The following MAGI2 variants were observed in gnomAD, a reference collection of about 807,000 sequenced individuals.
The protein encoded by MAGI2 is membrane associated guanylate kinase, WW and PDZ domain containing 2, also known as membrane-associated guanylate kinase, WW and PDZ domain-containing protein 2.
Under a neutral mutation model 133.3 loss-of-function variants are expected in MAGI2, and 35 were observed. The observed-to-expected ratio is 0.26, with a 90% CI of 0.20 to 0.35. The LOEUF is 0.35. Ranked by LOEUF, MAGI2 falls within the 10% of genes least tolerant of loss-of-function variation. The pLI is 1.00. For synonymous variants in MAGI2, 729 were observed against 710.6 expected, an observed-to-expected ratio of 1.03 and a Z score of -0.41; for missense variants, 1,636 against 1,863.4, an observed-to-expected ratio of 0.88 and a Z score of 2.25.
At chr7:78,375,578 T>A (rs1794366636) in intron 6 of MAGI2, among the ~76,000 whole-genome samples, 1 of 152,022 alleles carries the variant, frequency 6.6e-6, no homozygotes, top group African/African-American at 2.4e-5. Context: ...GACTAGCCTT[T>A]TTAAAAAAAA....
chr7:78,112,994 A>C (rs1819505807), intron 20 of MAGI2, among the ~76,000 whole-genome samples: 1 of 152,134 alleles, frequency 6.6e-6, no homozygotes, highest in Non-Finnish European at 1.5e-5. Context: ...ACCCAGGGGA[A>C]CGGGTGGGGG....
intron 3 of MAGI2, among the ~76,000 whole-genome samples, chr7:78,592,920 C>T (rs1344081220): frequency 6.7e-6 from 1 of 149,324 alleles, no homozygotes; most frequent in Non-Finnish European, 1.5e-5. Flanking sequence ...CTGCAACCTC[C>T]ACCTCCCGAG....
chr7:79,174,428 C>A (rs1174351013), intron 1 of MAGI2, among the ~76,000 whole-genome samples: 2 of 151,946 alleles, frequency 1.3e-5, no homozygotes, highest in Non-Finnish European at 2.9e-5. Context: ...CACACATACA[C>A]AAATGTGTGG....
At chr7:78,160,295 G>A (rs183941954) in intron 15 of MAGI2, 22 bp from the exon 16 acceptor site, 1 of 1,551,714 alleles carries the variant, frequency 6.4e-7, no homozygotes, top group South Asian at 1.3e-5. Flanking sequence ...ACCACACACA[G>A]GTAATCAATT....
rs183031397 is a variant in MAGI2 at position 78,797,114 on chromosome 7, A to G, written c.419-169875T>C. ...ACAATGATTTACTGAATATTTCAAA[A>G]TAGCTAGAAGAGAAGAATTGTAATG... On this transcript the variant is annotated intron_variant, in intron 2 of 21. Coordinates refer to ENST00000354212, the MANE Select transcript of MAGI2 (RefSeq NM_012301.4). Among the ~76,000 whole-genome samples the G allele has an allele frequency of 1.6e-3, 239 of 152,282 alleles. 1 individual carries two copies. Among genetic ancestry groups the G allele is most frequent in the Non-Finnish European group, 1.8e-3 (125 of 68,008 alleles).
chr7:78,186,720 C>T (rs1011063506), intron 12 of MAGI2, among the ~76,000 whole-genome samples: 7 of 152,088 alleles, frequency 4.6e-5, no homozygotes, highest in African/African-American at 1.7e-4. Context: ...TCTTCAAGAT[C>T]CTTTTTCGAA....
intron 2 of MAGI2, among the ~76,000 whole-genome samples, chr7:78,952,439 AT>A (rs1801947925): frequency 6.6e-6 from 1 of 151,974 alleles, no homozygotes; most frequent in South Asian, 2.1e-4. Context: ...TCATCCATGT[AT>A]TTTTTCATTA....
At chr7:79,387,572 C>A (rs1319161619) in intron 1 of MAGI2, among the ~76,000 whole-genome samples, 2 of 151,880 alleles carry the variant, frequency 1.3e-5, no homozygotes, top group African/African-American at 4.8e-5. Flanking sequence ...AATTTTGGTC[C>A]CTACTCTCTG....
chr7:79,381,830 G>A (rs1211410174), intron 1 of MAGI2, among the ~76,000 whole-genome samples: 2 of 151,646 alleles, frequency 1.3e-5, no homozygotes, highest in African/African-American at 2.4e-5. Context: ...TATTTCCCTT[G>A]CAAATATATC....
intron 1 of MAGI2, among the ~76,000 whole-genome samples, chr7:79,258,164 A>T (rs1346805903): frequency 6.6e-6 from 1 of 152,214 alleles, no homozygotes; most frequent in East Asian, 1.9e-4. Context: ...ACACAAATTA[A>T]TAAAGCATTC....
intron 6 of MAGI2, among the ~76,000 whole-genome samples, chr7:78,466,985 C>G (rs535781011): frequency 1.3e-5 from 2 of 152,178 alleles, no homozygotes; most frequent in East Asian, 3.9e-4. Flanking sequence ...CACACAAAAG[C>G]ACAGAATAAG....
At chr7:78,770,074 C>T (rs781538390) in intron 2 of MAGI2, among the ~76,000 whole-genome samples, 2 of 152,184 alleles carry the variant, frequency 1.3e-5, no homozygotes, top group African/African-American at 2.4e-5. Flanking sequence ...GGCATACAAG[C>T]CCCTTGCTAT....
At chr7:78,550,349 A>G (rs1456579099) in intron 3 of MAGI2, among the ~76,000 whole-genome samples, 1 of 152,196 alleles carries the variant, frequency 6.6e-6, no homozygotes, top group African/African-American at 2.4e-5. Flanking sequence ...AAAATATTTA[A>G]TGCTCCACTT....
At chr7:78,350,997 T>A (rs144098461) in intron 7 of MAGI2, among the ~76,000 whole-genome samples, 72 of 152,266 alleles carry the variant, frequency 4.7e-4, no homozygotes, top group African/African-American at 1.7e-3. Flanking sequence ...AGTTAACATT[T>A]AGAAATAATC....
chr7:78,299,358 T>C (rs1289342822), intron 9 of MAGI2, among the ~76,000 whole-genome samples: 1 of 152,212 alleles, frequency 6.6e-6, no homozygotes, highest in Non-Finnish European at 1.5e-5. Context: ...AGGAAGGGTA[T>C]GGCTAAATGA....
At chr7:78,467,745 G>A (rs930595503) in intron 6 of MAGI2, among the ~76,000 whole-genome samples, 3 of 152,012 alleles carry the variant, frequency 2.0e-5, no homozygotes, top group African/African-American at 7.2e-5. Context: ...TACGTACTAG[G>A]TTGTTTACTA....
At chr7:79,408,663 G>A (rs1288770306) in intron 1 of MAGI2, among the ~76,000 whole-genome samples, 1 of 152,064 alleles carries the variant, frequency 6.6e-6, no homozygotes, top group Non-Finnish European at 1.5e-5. Context: ...ACTCAGAGAG[G>A]CAAGTAGAAA....
chr7:78,093,622 A>T (rs1817443470), intron 20 of MAGI2, among the ~76,000 whole-genome samples: 1 of 152,234 alleles, frequency 6.6e-6, no homozygotes, highest in Non-Finnish European at 1.5e-5. Flanking sequence ...AACCCAGAGT[A>T]CCACTTGCTG....
chr7:78,885,197 T>C (rs778893315), intron 2 of MAGI2, among the ~76,000 whole-genome samples: 20 of 152,118 alleles, frequency 1.3e-4, no homozygotes, highest in Admixed American at 7.2e-4. Context: ...AAAATACTTA[T>C]TGGGTATTAT....
Sources: allele counts gnomAD v4.1 joint callset (sites outside exome capture counted in the v4.1 genomes callset), GRCh38; gene constraint gnomAD v4.1.1; transcripts MANE v1.5; gene names NCBI Gene and HGNC (gene_info 2026-07-23, HGNC 2026-07-21).